HUNK: variants seen among roughly 807,000 people sequenced by gnomAD.
HUNK encodes the protein hormonally up-regulated neu tumor-associated kinase.
In HUNK, 21 loss-of-function variants were observed where a neutral mutation model predicts 61.0. That is an observed-to-expected ratio of 0.34 (90% CI 0.24 to 0.50). HUNK has a LOEUF of 0.50. HUNK is among the 20% of genes least tolerant of loss of function. The pLI is 0.98. For missense variants in HUNK, 772 were observed against 945.7 expected (o/e 0.82, Z 2.41); for synonymous variants, 371 against 386.1 (o/e 0.96, Z 0.46).
At position 31,873,031 on chromosome 21, in the gene HUNK, G is replaced by T. The variant is rs545333614; in HGVS notation, c.-644G>T. 3.3e-5 allele frequency among the ~76,000 whole-genome samples: 5 copies of T among 152,296 alleles called. No homozygotes were observed. The highest frequency in any genetic ancestry group is 1.2e-4 in the African/African-American group (5 of 41,588). ...GGGAAGGAGGGGCTACTAGGGATTT[G>T]AAAGTGCACGGGCTGCGGAGTGGAG... On this transcript the variant is annotated 5_prime_UTR_variant, in exon 1 of 11. Transcript: ENST00000270112. This position sits in a 1 kb window ranked among gnomAD's most constrained non-coding sequence, Gnocchi z 6.1.
intron 1 of HUNK, among the ~76,000 whole-genome samples, chr21:31,889,461 T>G (rs972400706): frequency 6.6e-6 from 1 of 152,230 alleles, no homozygotes; most frequent in Admixed American, 6.5e-5. Flanking sequence ...GCTGCTCTGA[T>G]GTAGCTTTCT....
chr21:31,899,871 A>G (rs1282340314), intron 1 of HUNK, among the ~76,000 whole-genome samples: 1 of 151,668 alleles, frequency 6.6e-6, no homozygotes, highest in Non-Finnish European at 1.5e-5. Flanking sequence ...TCTGCCTCCC[A>G]GGTTCAAGCA....
chr21:31,902,280 G>A lies in HUNK; in HGVS notation c.262-22188G>A, dbSNP rs147200488. Among the ~76,000 whole-genome samples, 383 of 152,336 alleles carry A rather than the reference G, an allele frequency of 2.5e-3. 2 individuals are homozygous for A. The highest frequency in any genetic ancestry group is 4.4e-3 in the Admixed American group (67 of 15,308). On this transcript the variant is annotated intron_variant, in intron 1 of 10. Transcript: ENST00000270112. The stretch of plus-strand genomic sequence containing the variant: ...AATCCCAGCACTTTGGGAGGCCAAG[G>A]CAGGTGGATCACCTGAGGTTGGGAG...
chr21:31,911,065 G>A (rs2052542520), intron 1 of HUNK, among the ~76,000 whole-genome samples: 1 of 152,170 alleles, frequency 6.6e-6, no homozygotes, highest in African/African-American at 2.4e-5. Flanking sequence ...GAATTTTGGG[G>A]GAGGACACGA....
chr21:31,941,875 A>G (rs1479785676), intron 3 of HUNK, among the ~76,000 whole-genome samples: 1 of 152,176 alleles, frequency 6.6e-6, no homozygotes, highest in Non-Finnish European at 1.5e-5. Flanking sequence ...AGCACCAGAG[A>G]CTATAAAAGA....
In HUNK at chr21:31,999,143, C is replaced by T; in HGVS notation, c.2104C>T (p.Leu702Phe). 1 of 1,613,234 alleles carries T rather than the reference C, an allele frequency of 6.2e-7. No homozygotes were observed. Among genetic ancestry groups the T allele is most frequent in the Non-Finnish European group, 8.5e-7 (1 of 1,179,532 alleles). Residue 702 changes from leucine (L) to phenylalanine (F), a missense_variant, in exon 11 of 11, where the codon CTT (leucine) becomes TTT (phenylalanine). This residue lies in a region of HUNK where 413 missense variants were observed against 444.4 expected (regional missense o/e 0.93). Transcript: ENST00000270112. ...ACTGCAGCCCCTAGCCCCTGTGAAC[C>T]TTGCCTTTGACATGGCCGATGGGGT... ...PPLQPLAPVN[L>F]AFDMADGVKT...
chr21:31,928,335 T>C (rs2052675057), intron 2 of HUNK, among the ~76,000 whole-genome samples: 1 of 152,228 alleles, frequency 6.6e-6, no homozygotes, highest in African/African-American at 2.4e-5. Flanking sequence ...CCTTGTGCAC[T>C]GGCCTCTCCT....
At chr21:31,974,407 T>C in intron 6 of HUNK, 148 bp from the exon 7 acceptor site, 1 of 725,446 alleles carries the variant, frequency 1.4e-6, no homozygotes, top group South Asian at 2.2e-5. Context: ...TTCCCTCCGC[T>C]TTTCTGAATA....
intron 1 of HUNK, among the ~76,000 whole-genome samples, chr21:31,900,803 A>G (rs2052461413): frequency 6.6e-6 from 1 of 152,170 alleles, no homozygotes; most frequent in African/African-American, 2.4e-5. Context: ...TTCAGTATGG[A>G]TCAGATGCCT....
intron 1 of HUNK, among the ~76,000 whole-genome samples, chr21:31,915,015 C>T (rs1045162972): frequency 6.6e-6 from 1 of 150,986 alleles, no homozygotes; most frequent in African/African-American, 2.4e-5. Flanking sequence ...GGTTAATTAT[C>T]TCTTATCTGC....
rs1417547219 is a variant in HUNK, at chr21:31,892,160, AAAAT to A, written c.261+18227_261+18230del. Among the ~76,000 whole-genome samples the A allele has an allele frequency of 3.8e-3, 422 of 110,354 alleles. 1 individual carries two copies. Among genetic ancestry groups the A allele is most frequent in the Non-Finnish European group, 5.6e-3 (307 of 54,610 alleles). 72.4% of individuals were successfully genotyped at this position (110,354 alleles called of 152,430 possible). A position where few individuals can be genotyped will look rare whatever the true frequency, so the allele number is the denominator to read the frequency against. Reference sequence around the variant, plus strand: ...ATGAGAATTTGGTTAAAAAAAAAAAAAAATATATATATATATATATAGAGAGAGA... The same window carrying A: ...ATGAGAATTTGGTTAAAAAAAAAAAAATATATATATATATATAGAGAGAGA... On this transcript the variant is annotated intron_variant, in intron 1 of 10. Transcript: ENST00000270112.
chr21:31,882,305 C>T (rs911732231), intron 1 of HUNK, among the ~76,000 whole-genome samples: 1 of 152,122 alleles, frequency 6.6e-6, no homozygotes, highest in Admixed American at 6.6e-5. Flanking sequence ...TTTCAAGATG[C>T]ATTTGGTTAA....
intron 2 of HUNK, among the ~76,000 whole-genome samples, chr21:31,938,567 G>A (rs77543837): frequency 6.6e-6 from 1 of 152,178 alleles, no homozygotes; most frequent in Non-Finnish European, 1.5e-5. Context: ...AGACATTGAC[G>A]TAGTGTATCA....
chr21:31,874,305 G>A (rs966949999), intron 1 of HUNK, among the ~76,000 whole-genome samples: 1 of 150,712 alleles, frequency 6.6e-6, no homozygotes, highest in Non-Finnish European at 1.5e-5. Flanking sequence ...CGGGAACCAG[G>A]GCTAGAGGAG....
At chr21:31,915,739 A>C (rs552231147) in intron 1 of HUNK, among the ~76,000 whole-genome samples, 2 of 152,216 alleles carry the variant, frequency 1.3e-5, no homozygotes, top group Non-Finnish European at 2.9e-5. Flanking sequence ...CTATGTAGAC[A>C]GTCTCAGCTA....
intron 5 of HUNK, among the ~76,000 whole-genome samples, chr21:31,962,576 G>T (rs962457071): frequency 6.6e-6 from 1 of 152,244 alleles, no homozygotes; most frequent in Non-Finnish European, 1.5e-5. Context: ...CTCCTGCATT[G>T]AGCAGACAGC....
chr21:31,996,203 G>GAAACAGA (rs2053204866), intron 10 of HUNK, among the ~76,000 whole-genome samples: 1 of 152,200 alleles, frequency 6.6e-6, no homozygotes, highest in Non-Finnish European at 1.5e-5. Context: ...AATTGGGGTG[G>GAAACAGA]ATGATATTGT....
chr21:31,981,477 T>A (rs1228134511), intron 7 of HUNK, among the ~76,000 whole-genome samples: 3 of 152,158 alleles, frequency 2.0e-5, no homozygotes, highest in African/African-American at 7.2e-5. Context: ...TCATATTAAT[T>A]CTTCCAATCT....
chr21:31,928,612 T>C (rs569960404), intron 2 of HUNK, among the ~76,000 whole-genome samples: 1 of 152,320 alleles, frequency 6.6e-6, no homozygotes, highest in South Asian at 2.1e-4. Flanking sequence ...AAGATTTTTT[T>C]CACTTTTCCC....
Sources: allele counts gnomAD v4.1 joint callset (sites outside exome capture counted in the v4.1 genomes callset), GRCh38; gene constraint gnomAD v4.1.1; regional missense constraint gnomAD v4.1.1; non-coding constraint Gnocchi (gnomAD v3.1); transcripts MANE v1.5; gene names NCBI Gene and HGNC (gene_info 2026-07-23, HGNC 2026-07-21).